Variants in CTTN observed in about 807,000 individuals in gnomAD.
The protein encoded by CTTN is src substrate cortactin.
A neutral mutation model predicts 84.0 loss-of-function variants in CTTN; 28 were observed. The ratio of observed to expected loss-of-function variants is 0.33; its 90% CI spans 0.25 to 0.46. CTTN has a LOEUF of 0.46. Among genes scored for constraint, CTTN ranks in the 20% least tolerant of loss-of-function variants. The pLI is 1.00. For missense variants in CTTN, 641 were observed against 723.8 expected, an observed-to-expected ratio of 0.89 and a Z score of 1.31; for synonymous variants, 301 against 288.8, an observed-to-expected ratio of 1.04 and a Z score of -0.43.
chr11:70,431,683 C>T (rs953148584), intron 15 of CTTN, among the ~76,000 whole-genome samples: 2 of 152,156 alleles, frequency 1.3e-5, no homozygotes, highest in South Asian at 2.1e-4. Flanking sequence ...CTGCCTCCCG[C>T]ACAATCTGCC....
Position 70,435,251 on chromosome 11 carries a change from CTGTTT to C in CTTN, c.*91_*95del. ...GTTCTTGGGTGGTTTTGGGTTTTTT[CTGTTT>C]TTTTTTTTTTTTTTTTTTTTTTGAA... On this transcript the variant is annotated 3_prime_UTR_variant, in exon 18 of 18. Coordinates refer to ENST00000301843, the MANE Select transcript of CTTN (RefSeq NM_005231.4). 4.1e-6 allele frequency: 4 copies of C among 978,262 alleles called. No homozygotes were observed. The highest frequency in any genetic ancestry group is 4.1e-5 in the East Asian group (1 of 24,488). 60.6% of individuals were successfully genotyped at this position (978,262 alleles called of 1,614,324 possible).
chr11:70,410,391 G>C (rs759453521), intron 5 of CTTN: 66 of 178,036 alleles, frequency 3.7e-4, no homozygotes, highest in Admixed American at 1.1e-3. Context: ...CCAAAGGCCT[G>C]GCTAACATCC....
At chr11:70,419,553 C>A (rs542392170) in intron 8 of CTTN, among the ~76,000 whole-genome samples, 193 bp from the exon 9 acceptor site, 2 of 152,316 alleles carry the variant, frequency 1.3e-5, no homozygotes, top group Admixed American at 1.3e-4. Context: ...AGGCACACAC[C>A]CCCACCTCTG....
At chr11:70,434,500 C>T (rs2058392843) in intron 17 of CTTN, among the ~76,000 whole-genome samples, 1 of 152,282 alleles carries the variant, frequency 6.6e-6, no homozygotes, top group African/African-American at 2.4e-5. Context: ...CTGGCCGTCC[C>T]CGTTCAGTGC....
At chr11:70,424,070 G>A (rs1378328257) in intron 12 of CTTN, among the ~76,000 whole-genome samples, 1 of 152,184 alleles carries the variant, frequency 6.6e-6, no homozygotes, top group Admixed American at 6.5e-5. Context: ...GAACTGGGAG[G>A]AGCAGATGTG....
intron 5 of CTTN, among the ~76,000 whole-genome samples, chr11:70,411,072 G>A (rs760406264): frequency 6.6e-6 from 1 of 152,332 alleles, no homozygotes; most frequent in East Asian, 1.9e-4. Flanking sequence ...CCCTGACACC[G>A]AGAAGAGCAA....
In CTTN at chr11:70,412,504, T is replaced by TA. The variant is rs1040572237; in HGVS notation, c.292-2028dup. 7.4e-5 allele frequency among the ~76,000 whole-genome samples: 11 copies of TA among 148,146 alleles called. No homozygotes were observed. The East Asian group carries it at 1.0e-3, about 14-fold the overall frequency. On this transcript the variant is annotated intron_variant, in intron 5 of 17. Coordinates refer to ENST00000301843, the MANE Select transcript of CTTN (RefSeq NM_005231.4). Reference sequence around the variant, plus strand: ...TTTGTAACTTGCCCACTCCAGAAACTAAAAAAAAAATAAAAAATTGAAATC... The same window carrying TA: ...TTTGTAACTTGCCCACTCCAGAAACTAAAAAAAAAAATAAAAAATTGAAATC...
At position 70,435,437 on chromosome 11, in the gene CTTN, T is replaced by G. The variant is rs1159801118; in HGVS notation, c.*275T>G. 15 of 1,509,232 alleles carry G rather than the reference T, an allele frequency of 9.9e-6. No homozygotes were observed. The highest frequency in any genetic ancestry group is 1.3e-5 in the Non-Finnish European group (15 of 1,140,740). The allele number at this position is 1,509,232 out of a possible 1,614,324, so 93.5% of individuals were successfully genotyped here. A position where few individuals can be genotyped will look rare whatever the true frequency, so the allele number is the denominator to read the frequency against. ...TATGCATTGATGGTTTTTTTTTTCTTTTTTGCCAAATTGACTGTCACGCGG... is the reference window on the plus strand; with the variant it reads ...TATGCATTGATGGTTTTTTTTTTCTGTTTTGCCAAATTGACTGTCACGCGG... On this transcript the variant is annotated 3_prime_UTR_variant, in exon 18 of 18. Coordinates refer to ENST00000301843, the MANE Select transcript of CTTN (RefSeq NM_005231.4).
rs1565503025 is a variant in CTTN, at chr11:70,435,481, A to G, written c.*319A>G. On this transcript the variant is annotated 3_prime_UTR_variant, in exon 18 of 18. Transcript: ENST00000301843. ...CACGCGGCAGCTTCAGGGAGCTCGCATTCTCTTGTGTTCGTGTTGCCCTCG... is the reference window on the plus strand; with the variant it reads ...CACGCGGCAGCTTCAGGGAGCTCGCGTTCTCTTGTGTTCGTGTTGCCCTCG... The G allele has an allele frequency of 6.4e-7, 1 of 1,551,092 alleles. No individual in the cohort carries two copies. The highest frequency in any genetic ancestry group is 8.7e-7 in the Non-Finnish European group (1 of 1,155,568).
At chr11:70,413,044 G>A (rs189729197) in intron 5 of CTTN, among the ~76,000 whole-genome samples, 53 of 152,308 alleles carry the variant, frequency 3.5e-4, no homozygotes, top group African/African-American at 1.2e-3. Flanking sequence ...CTGCCACAGA[G>A]GGTTTGGAGG....
At chr11:70,433,526 G>T (rs2058379183) in intron 16 of CTTN, 121 bp from the exon 17 acceptor site, 1 of 887,638 alleles carries the variant, frequency 1.1e-6, no homozygotes, top group South Asian at 1.4e-5. Flanking sequence ...GGAAGGGAGG[G>T]TTTCAGCTGC....
Position 70,417,110 on chromosome 11 carries a change from C to G in CTTN, c.555C>G (p.His185Gln). The G allele has an allele frequency of 6.2e-7, 1 of 1,613,976 alleles. No individual in the cohort carries two copies. The highest frequency in any genetic ancestry group is 8.5e-7 in the Non-Finnish European group (1 of 1,179,876). Reference sequence around the variant, plus strand: ...ACTACCAGGGCAAGACGGAGAAGCACGAGTCACAGAGAGGTGGGGCGGACC... The same window carrying G: ...ACTACCAGGGCAAGACGGAGAAGCAGGAGTCACAGAGAGGTGGGGCGGACC... ...GFDYQGKTEKHESQRDYSKGF... is the reference protein window; with the variant it reads ...GFDYQGKTEKQESQRDYSKGF... Residue 185 changes from histidine (H) to glutamine (Q), a missense_variant, in exon 8 of 18, where the codon CAC becomes CAG. By Grantham distance (24) the His-to-Gln change is conservative (BLOSUM62 0). Transcript: ENST00000301843.
In CTTN at chr11:70,431,233, G is replaced by A. The variant is rs534661512; in HGVS notation, c.1219G>A (p.Ala407Thr). Residue 407 changes from alanine (A) to threonine (T), a missense_variant, in exon 15 of 18, where the codon GCA becomes ACA. Transcript: ENST00000301843. ...AKTQTPPVSP[A>T]PQPTEERLPS... ...AACGCAAACGCCCCCTGTGTCGCCC[G>A]CACCTCAGCCAACCGAGGAGAGGCT... is the stretch of plus-strand genomic sequence containing the variant. 1.9e-5 allele frequency: 30 copies of A among 1,614,138 alleles called. No individual in the cohort carries two copies. The highest frequency in any genetic ancestry group is 1.3e-4 in the South Asian group (12 of 91,084).
chr11:70,400,995 C>T (rs941939693), intron 1 of CTTN, among the ~76,000 whole-genome samples: 1 of 152,208 alleles, frequency 6.6e-6, no homozygotes, highest in Non-Finnish European at 1.5e-5. Context: ...GATGCTGAGG[C>T]TAATGGAAAG....
chr11:70,419,606 C>G, intron 8 of CTTN, 140 bp from the exon 9 acceptor site: 1 of 667,350 alleles, frequency 1.5e-6, no homozygotes, highest in South Asian at 1.8e-5. Context: ...TAAATAGCAC[C>G]TTTAAATACT....
At chr11:70,399,918 G>A (rs1370446250) in intron 1 of CTTN, among the ~76,000 whole-genome samples, 2 of 152,146 alleles carry the variant, frequency 1.3e-5, no homozygotes, top group African/African-American at 2.4e-5. Flanking sequence ...GCCCAAGGCC[G>A]TGGCGCAGGA....
chr11:70,434,760 G>A (rs934264589), intron 17 of CTTN, among the ~76,000 whole-genome samples: 6 of 152,244 alleles, frequency 3.9e-5, no homozygotes. Flanking sequence ...GTTATGTGGT[G>A]GAAACCTGCT....
chr11:70,402,316 C>T (rs1370722643), intron 1 of CTTN, among the ~76,000 whole-genome samples: 1 of 152,202 alleles, frequency 6.6e-6, no homozygotes, highest in Non-Finnish European at 1.5e-5. Context: ...ATTGTAACAG[C>T]TTTATCGAGA....
At chr11:70,431,362 T>TG in intron 15 of CTTN, 82 bp downstream of exon 15, 1 of 1,431,146 alleles carries the variant, frequency 7.0e-7, no homozygotes. Context: ...AGGAAGCCCT[T>TG]GCAGGCAGGC....
Sources: gnomAD v4.1 joint callset for allele counts (sites outside exome capture counted in the v4.1 genomes callset) on GRCh38, gnomAD v4.1.1 for gene constraint, MANE v1.5 for transcripts, NCBI Gene and HGNC (gene_info 2026-07-23, HGNC 2026-07-21) for gene names.